Variants in UBE2D2 observed in about 807,000 individuals in gnomAD.
UBE2D2 encodes the protein ubiquitin-conjugating enzyme E2 D2.
A neutral mutation model predicts 24.2 loss-of-function variants in UBE2D2; 2 were observed. The observed-to-expected ratio is 0.08, with a 90% CI of 0.03 to 0.26. The LOEUF (loss-of-function observed/expected upper bound fraction) is 0.26, where lower values mean the gene tolerates loss of function less well. Ranked by LOEUF, UBE2D2 falls within the 10% of genes least tolerant of loss-of-function variation. The pLI is 1.00. For synonymous variants in UBE2D2, 58 were observed against 56.5 expected (o/e 1.03, Z -0.12); for missense variants, 44 against 177.6 (o/e 0.25, Z 4.28).
intron 1 of UBE2D2, among the ~76,000 whole-genome samples, chr5:139,552,758 C>T (rs186911233): frequency 7.9e-5 from 12 of 151,214 alleles, no homozygotes; most frequent in African/African-American, 2.9e-4. Context: ...TCTTGGCTCA[C>T]CGCAACCTCC....
chr5:139,537,845 T>C (rs1263734702), intron 1 of UBE2D2, among the ~76,000 whole-genome samples: 1 of 151,502 alleles, frequency 6.6e-6, no homozygotes. Context: ...GCACCTGTAG[T>C]GCCAGCTACT....
upstream of UBE2D2, among the ~76,000 whole-genome samples, chr5:139,557,702 G>A (rs141581507): frequency 2.6e-5 from 4 of 152,154 alleles, no homozygotes; most frequent in East Asian, 5.8e-4. Context: ...AGCCGAGATC[G>A]CACCACTGCA....
chr5:139,552,111 T>G (rs1752926999), intron 1 of UBE2D2, among the ~76,000 whole-genome samples: 1 of 152,042 alleles, frequency 6.6e-6, no homozygotes, highest in African/African-American at 2.4e-5. Flanking sequence ...TGACAAAGCT[T>G]ACCTTTCCAA....
At chr5:139,574,659 G>A (rs149382169) in intron 1 of UBE2D2, among the ~76,000 whole-genome samples, 10 of 148,442 alleles carry the variant, frequency 6.7e-5, no homozygotes, top group South Asian at 2.1e-4. Flanking sequence ...CTTATTCTTC[G>A]TATTCCTAGT....
chr5:139,561,342 C>G lies in UBE2D2; in HGVS notation c.-450C>G, dbSNP rs923910922. 2 of 158,120 alleles carry G rather than the reference C, an allele frequency of 1.3e-5. No homozygotes were observed. Among genetic ancestry groups the G allele is most frequent in the African/African-American group, 4.8e-5 (2 of 41,662 alleles). The allele number at this position is 158,120 out of a possible 1,614,324, so 9.8% of individuals were successfully genotyped here. A position where few individuals can be genotyped will look rare whatever the true frequency, so the allele number is the denominator to read the frequency against. Reference sequence around the variant, plus strand: ...CGGGCCCACCCCGTGCTCCGACGGCCCCACCCCGGCGGCGCAGCCCGCCCG... The same window carrying G: ...CGGGCCCACCCCGTGCTCCGACGGCGCCACCCCGGCGGCGCAGCCCGCCCG... On this transcript the variant is annotated 5_prime_UTR_variant, in exon 1 of 7. Coordinates refer to ENST00000398733, the MANE Select transcript of UBE2D2 (RefSeq NM_003339.3).
chr5:139,554,010 C>A (rs1752951305), intron 1 of UBE2D2, among the ~76,000 whole-genome samples: 1 of 152,072 alleles, frequency 6.6e-6, no homozygotes, highest in Admixed American at 6.6e-5. Context: ...GAACTTCTGA[C>A]CTCAGGTGAT....
rs1221261562 is a variant in UBE2D2, at chr5:139,561,534, ACGGCGGCGG to A, written c.-251_-243del. 4.8e-6 allele frequency: 2 copies of A among 413,568 alleles called. No homozygotes were observed. Among genetic ancestry groups the A allele is most frequent in the Non-Finnish European group, 8.5e-6 (2 of 234,572 alleles). The allele number at this position is 413,568 out of a possible 1,614,324, so 25.6% of individuals were successfully genotyped here. On this transcript the variant is annotated 5_prime_UTR_variant, in exon 1 of 7. Transcript: ENST00000398733. ...CTGATCCTGGGAGGAAGAGGCAGCTACGGCGGCGGCGGCGGTGGCGGCTAGGGCGGCGGC... is the reference window on the plus strand; with the variant it reads ...CTGATCCTGGGAGGAAGAGGCAGCTACGGCGGTGGCGGCTAGGGCGGCGGC...
chr5:139,526,479 C>G (rs544190135), exon 1 of UBE2D2: 2 of 152,352 alleles, frequency 1.3e-5, no homozygotes, highest in African/African-American at 4.8e-5. Context: ...ATCCAAAGAG[C>G]GCTCCCGGGT....
intron 1 of UBE2D2, among the ~76,000 whole-genome samples, chr5:139,580,479 T>A (rs528645873): frequency 5.7e-4 from 87 of 152,228 alleles, no homozygotes; most frequent in African/African-American, 2.1e-3. Flanking sequence ...TTTTCTTTTT[T>A]GAAACGGAGT....
At chr5:139,546,437 C>T (rs950430952) in intron 1 of UBE2D2, among the ~76,000 whole-genome samples, 8 of 152,212 alleles carry the variant, frequency 5.3e-5, no homozygotes, top group Non-Finnish European at 7.3e-5. Flanking sequence ...CTTGCCTCGG[C>T]CTCCCAAAGT....
chr5:139,552,142 T>C (rs182043036), intron 1 of UBE2D2, among the ~76,000 whole-genome samples: 1 of 152,060 alleles, frequency 6.6e-6, no homozygotes, highest in African/African-American at 2.4e-5. Flanking sequence ...TAGCCTCTAA[T>C]AGATAAGCTC....
chr5:139,590,546 A>G (rs1456367248), intron 1 of UBE2D2, among the ~76,000 whole-genome samples: 2 of 152,110 alleles, frequency 1.3e-5, no homozygotes, highest in Non-Finnish European at 2.9e-5. Flanking sequence ...ACAGAAGAGT[A>G]CATGCCATGT....
intron 6 of UBE2D2, 102 bp downstream of exon 6, chr5:139,623,563 T>C (rs1286657563): frequency 6.7e-6 from 6 of 895,064 alleles, no homozygotes; most frequent in Non-Finnish European, 1.1e-5. Flanking sequence ...ATATTTAAAG[T>C]GAAGTCCTAA....
rs184765312 is a variant in UBE2D2 at position 139,528,739 on chromosome 5, C to T, written c.-64+2127C>T. Among the ~76,000 whole-genome samples the T allele has an allele frequency of 2.0e-5, 3 of 152,294 alleles. No individual in the cohort carries two copies. In the East Asian group the frequency reaches 5.8e-4, roughly 29 times the overall value. Reference sequence around the variant, plus strand: ...CATAACCACTGAAGTTTGCAACACCCTAAACCCTGCCACCTTGCTCCCCGT... The same window carrying T: ...CATAACCACTGAAGTTTGCAACACCTTAAACCCTGCCACCTTGCTCCCCGT... On this transcript the variant is annotated intron_variant, in intron 1 of 6. Coordinates refer to the UBE2D2 transcript ENST00000511725.
intron 3 of UBE2D2, 26 bp from the exon 4 acceptor site, chr5:139,614,671 A>G: frequency 6.2e-7 from 1 of 1,613,778 alleles, no homozygotes; most frequent in South Asian, 1.1e-5. Flanking sequence ...TACTCATTTT[A>G]ATCCCACTTT....
At chr5:139,539,960 C>T (rs567240729) in intron 1 of UBE2D2, among the ~76,000 whole-genome samples, 21 of 151,990 alleles carry the variant, frequency 1.4e-4, no homozygotes, top group Non-Finnish European at 2.5e-4. Context: ...TTTCTTGTTG[C>T]CCAGGCTGGA....
At chr5:139,568,989 T>C (rs1035729769) in intron 1 of UBE2D2, among the ~76,000 whole-genome samples, 3 of 151,964 alleles carry the variant, frequency 2.0e-5, no homozygotes, top group African/African-American at 7.2e-5. Context: ...AAAAAAATAC[T>C]GTACTAGAGG....
At position 139,548,994 on chromosome 5, in the gene UBE2D2, G is replaced by A. The variant is rs569628097; in HGVS notation, c.-64+22382G>A. Among the ~76,000 whole-genome samples the A allele has an allele frequency of 4.0e-3, 605 of 152,044 alleles. 6 individuals are homozygous for A. Among genetic ancestry groups the A allele is most frequent in the African/African-American group, 0.013 (536 of 41,496 alleles). On this transcript the variant is annotated intron_variant, in intron 1 of 6. Coordinates refer to the UBE2D2 transcript ENST00000511725. ...CTCCTGAGTAGCTGGGATTACAGGC[G>A]CGTGCCACCATGCCCAGCTAATTTT...
chr5:139,603,557 G>A (rs1303257137), intron 2 of UBE2D2, among the ~76,000 whole-genome samples: 1 of 147,936 alleles, frequency 6.8e-6, no homozygotes, highest in Non-Finnish European at 1.5e-5. Flanking sequence ...GGGAGGCGGA[G>A]GTTGTGGTGA....
Sources: allele counts gnomAD v4.1 joint callset (sites outside exome capture counted in the v4.1 genomes callset), GRCh38; gene constraint gnomAD v4.1.1; transcripts MANE v1.5; gene names NCBI Gene and HGNC (gene_info 2026-07-23, HGNC 2026-07-21).